The following TLN2 variants were observed in gnomAD, a reference collection of about 807,000 sequenced individuals.
TLN2 encodes the protein talin 2, also known as talin-2.
Under a neutral mutation model 294.7 loss-of-function variants are expected in TLN2, and 118 were observed. The ratio of observed to expected loss-of-function variants is 0.40; its 90% CI spans 0.34 to 0.47. TLN2 has a LOEUF of 0.47. Among genes scored for constraint, TLN2 ranks in the 20% least tolerant of loss-of-function variants. The probability of loss-of-function intolerance (pLI) is 0.84; values close to 1 mark genes in which losing one functional copy is unlikely to be tolerated. For missense variants in TLN2, 3,083 were observed against 3,282.2 expected (o/e 0.94, Z 1.48); for synonymous variants, 1,431 against 1,304.5 (o/e 1.10, Z -2.09).
intron 15 of TLN2, 125 bp downstream of exon 15, chr15:62,697,993 G>A (rs1156910224): frequency 2.1e-5 from 25 of 1,218,994 alleles, no homozygotes; most frequent in Admixed American, 8.5e-5. Context: ...ACCATGCCTC[G>A]TTCAGCTGTG....
intron 1 of TLN2, among the ~76,000 whole-genome samples, chr15:62,564,797 C>T (rs1281785317): frequency 6.6e-6 from 1 of 150,920 alleles, no homozygotes; most frequent in South Asian, 2.1e-4. Context: ...CTTCCAGCTA[C>T]TGGGGAAGCT....
At chr15:62,631,673 C>CTTT (rs1178046304) in intron 3 of TLN2, among the ~76,000 whole-genome samples, 3 of 147,082 alleles carry the variant, frequency 2.0e-5, no homozygotes, top group African/African-American at 7.5e-5. Flanking sequence ...CTTTCTCTTT[C>CTTT]CTCCTCTCTT....
At chr15:62,766,204 G>A in intron 40 of TLN2, 117 bp from the exon 41 acceptor site, 1 of 782,086 alleles carries the variant, frequency 1.3e-6, no homozygotes, top group Admixed American at 2.3e-5. Context: ...CACACACGCA[G>A]GCATTCTAAT....
chr15:62,429,015 C>T (rs940377897), intron 1 of TLN2, among the ~76,000 whole-genome samples: 5 of 150,394 alleles, frequency 3.3e-5, no homozygotes, highest in African/African-American at 9.8e-5. Context: ...CTGGGGGAGA[C>T]AGATATCATC....
At chr15:62,548,718 G>A (rs2042127887) in intron 1 of TLN2, among the ~76,000 whole-genome samples, 1 of 152,222 alleles carries the variant, frequency 6.6e-6, no homozygotes, top group Non-Finnish European at 1.5e-5. Flanking sequence ...ATTAGGTTAT[G>A]CTGGTAAACA....
intron 50 of TLN2, among the ~76,000 whole-genome samples, chr15:62,802,804 G>T (rs1261036488): frequency 1.3e-5 from 2 of 152,108 alleles, no homozygotes; most frequent in African/African-American, 4.8e-5. Context: ...TTGTAGTTTT[G>T]ATTTGCATTT....
At chr15:62,647,515 A>G in intron 4 of TLN2, 69 bp downstream of exon 4, 1 of 1,604,698 alleles carries the variant, frequency 6.2e-7, no homozygotes, top group Non-Finnish European at 8.5e-7. Context: ...TGCTAAAGAG[A>G]CAGAGGCTCC....
At chr15:62,393,318 T>C (rs2032254123) in intron 1 of TLN2, among the ~76,000 whole-genome samples, 1 of 152,224 alleles carries the variant, frequency 6.6e-6, no homozygotes, top group South Asian at 2.1e-4. Context: ...CTTGACCCTG[T>C]TGAATGAGTT....
chr15:62,830,530 C>G (rs2068717496), intron 54 of TLN2: 1 of 152,132 alleles, frequency 6.6e-6, no homozygotes. Flanking sequence ...ACCTTCTCCC[C>G]TATTCCATTC....
At chr15:62,657,143 G>C (rs1306862741) in intron 8 of TLN2, among the ~76,000 whole-genome samples, 1 of 63,904 alleles carries the variant, frequency 1.6e-5, no homozygotes, top group African/African-American at 3.7e-5. Context: ...GAAAGGAAAG[G>C]CTGAAAAGGT....
intron 1 of TLN2, among the ~76,000 whole-genome samples, chr15:62,532,648 C>G (rs778318352): frequency 3.3e-5 from 5 of 152,148 alleles, no homozygotes; most frequent in Admixed American, 6.5e-5. Flanking sequence ...CTTCACGTGA[C>G]AAATGGTGAT....
chr15:62,520,816 A>C (rs1228080700), intron 1 of TLN2, among the ~76,000 whole-genome samples: 1 of 152,200 alleles, frequency 6.6e-6, no homozygotes, highest in Admixed American at 6.5e-5. Context: ...TTTAAAAAAT[A>C]ATCTCTGAGG....
chr15:62,427,966 CAT>C (rs2034808393), intron 1 of TLN2, among the ~76,000 whole-genome samples: 1 of 152,140 alleles, frequency 6.6e-6, no homozygotes. Context: ...GTATATGACA[CAT>C]ATCTTCCTCA....
intron 46 of TLN2, among the ~76,000 whole-genome samples, chr15:62,795,061 C>A (rs191844390): frequency 1.3e-5 from 2 of 152,148 alleles, no homozygotes; most frequent in Non-Finnish European, 1.5e-5. Flanking sequence ...TGTGGCGTCC[C>A]GGGAGGCAGG....
rs542332416 is a variant in TLN2 at position 62,618,792 on chromosome 15, A to G, written c.-37+317A>G. On this transcript the variant is annotated intron_variant, in intron 3 of 58. Transcript: ENST00000636159. ...TTTCTCCTGATGTGTAGGTTTTTAG[A>G]GTGAAATATTGTACTGGAGATGTTG... Among the ~76,000 whole-genome samples, 12 of 152,294 alleles carry G rather than the reference A, an allele frequency of 7.9e-5. No homozygotes were observed. In the South Asian group the frequency reaches 1.0e-3, roughly 13 times the overall value.
At chr15:62,465,350 G>A (rs563382364) in intron 1 of TLN2, among the ~76,000 whole-genome samples, 55 of 152,154 alleles carry the variant, frequency 3.6e-4, no homozygotes, top group African/African-American at 1.2e-3. Context: ...TGTGCGGTGC[G>A]GCTGGGGAAG....
chr15:62,518,128 T>C (rs1467650141), intron 1 of TLN2, among the ~76,000 whole-genome samples: 1 of 151,894 alleles, frequency 6.6e-6, no homozygotes, highest in Non-Finnish European at 1.5e-5. Context: ...AACCTCCGCC[T>C]CCTGGGTTCA....
intron 30 of TLN2, among the ~76,000 whole-genome samples, chr15:62,739,089 A>T (rs1288214422): frequency 1.3e-5 from 2 of 152,130 alleles, no homozygotes; most frequent in Non-Finnish European, 2.9e-5. Flanking sequence ...GGAAACCTTG[A>T]GCCCCTGTAG....
intron 51 of TLN2, among the ~76,000 whole-genome samples, chr15:62,808,638 T>C (rs2066459687): frequency 6.6e-6 from 1 of 152,212 alleles, no homozygotes; most frequent in African/African-American, 2.4e-5. Flanking sequence ...CATAACCTGC[T>C]GGAAGTGACT....
Sources: allele counts gnomAD v4.1 joint callset (sites outside exome capture counted in the v4.1 genomes callset), GRCh38; gene constraint gnomAD v4.1.1; transcripts MANE v1.5; gene names NCBI Gene and HGNC (gene_info 2026-07-23, HGNC 2026-07-21).